The following PPP2R2C variants were observed in gnomAD, a reference collection of about 807,000 sequenced individuals.
PPP2R2C encodes protein phosphatase 2, regulatory subunit B, gamma.
In PPP2R2C, 10 loss-of-function variants were observed where a neutral mutation model predicts 45.3. The observed-to-expected ratio is 0.22, with a 90% CI of 0.14 to 0.37. The LOEUF is 0.37. Among genes scored for constraint, PPP2R2C ranks in the 10% least tolerant of loss-of-function variants. The pLI, the probability that PPP2R2C is intolerant of heterozygous loss-of-function variation, is 1.00. For missense variants in PPP2R2C, 308 were observed against 619.7 expected (o/e 0.50, Z 5.34); for synonymous variants, 257 against 245.4 (o/e 1.05, Z -0.44).
chr4:6,399,820 C>G (rs1717298462), intron 1 of PPP2R2C, among the ~76,000 whole-genome samples: 1 of 152,182 alleles, frequency 6.6e-6, no homozygotes. Flanking sequence ...GGGCAGCCGA[C>G]AGACAGTCAA....
chr4:6,563,292 C>A lies in PPP2R2C; in HGVS notation c.-59+268G>T. ...GGTTCTGTCGGGTTCCCTCAAGACC[C>A]CGAGAGCACGCGCTCCGGAGGGACC... On this transcript the variant is annotated intron_variant, in intron 1 of 9. Transcript: ENST00000506140. This position sits in a 1 kb window ranked among gnomAD's most constrained non-coding sequence, Gnocchi z 5.8. Among the ~76,000 whole-genome samples, 1 of 152,120 alleles carries A rather than the reference C, an allele frequency of 6.6e-6. No individual in the cohort carries two copies. Among genetic ancestry groups the A allele is most frequent in the East Asian group, 1.9e-4 (1 of 5,152 alleles).
chr4:6,359,440 C>G (rs4688996), intron 5 of PPP2R2C, among the ~76,000 whole-genome samples: 80,584 of 151,882 alleles, frequency 0.53, 24,331 homozygotes, highest in East Asian at 0.71. Context: ...CACATGTATA[C>G]CTATGTAACA....
At chr4:6,403,864 GA>G (rs11286848) in intron 1 of PPP2R2C, among the ~76,000 whole-genome samples, 82,015 of 135,840 alleles carry the variant, frequency 0.6, 24,018 homozygotes, top group East Asian at 0.86. Context: ...CTCCGCCTCA[GA>G]AAAAAAAAAA....
rs1383054753 is a variant in PPP2R2C, at chr4:6,414,070, C to CTGTGTGTG, written c.71-32977_71-32976insCACACACA. 26 of 1,202,494 alleles carry CTGTGTGTG rather than the reference C, an allele frequency of 2.2e-5. 3 individuals carry two copies. The highest frequency in any genetic ancestry group is 2.8e-4 in the Middle Eastern group (1 of 3,522). The allele number at this position is 1,202,494 out of a possible 1,614,324, so 74.5% of individuals were successfully genotyped here. ...CATGGGACAGTAACATAAGTTTTGC[C>CTGTGTGTG]TGTGTATGTGTGTGTGTGTGTGTGT... On this transcript the variant is annotated intron_variant, in intron 1 of 8. Coordinates refer to ENST00000382599, the MANE Select transcript of PPP2R2C (RefSeq NM_020416.4).
chr4:6,460,827 T>C (rs1721283358), intron 1 of PPP2R2C, among the ~76,000 whole-genome samples: 1 of 152,140 alleles, frequency 6.6e-6, no homozygotes, highest in African/African-American at 2.4e-5. Flanking sequence ...CAAAGGGAAA[T>C]GCCCCATCTC....
chr4:6,403,340 A>G (rs1243515569), intron 1 of PPP2R2C, among the ~76,000 whole-genome samples: 1 of 152,186 alleles, frequency 6.6e-6, no homozygotes, highest in Non-Finnish European at 1.5e-5. Flanking sequence ...GGCAACAAGA[A>G]TTACTCCCTG....
chr4:6,522,585 A>C (rs1724061703), intron 2 of PPP2R2C, among the ~76,000 whole-genome samples: 1 of 152,262 alleles, frequency 6.6e-6, no homozygotes, highest in Non-Finnish European at 1.5e-5. Flanking sequence ...GGCATGGTGG[A>C]TTCCCCCACA....
upstream of PPP2R2C, among the ~76,000 whole-genome samples, chr4:6,473,807 G>C (rs1233624246): frequency 6.6e-6 from 1 of 152,190 alleles, no homozygotes; most frequent in African/African-American, 2.4e-5. Context: ...AGATTTCTTG[G>C]AGATTGAGAG....
At chr4:6,465,980 C>T (rs1347489765) in intron 1 of PPP2R2C, among the ~76,000 whole-genome samples, 2 of 152,254 alleles carry the variant, frequency 1.3e-5, no homozygotes, top group African/African-American at 4.8e-5. Context: ...TCAGTGTCAG[C>T]GATTGGCAAA....
chr4:6,428,088 T>A (rs1343775146), intron 1 of PPP2R2C, among the ~76,000 whole-genome samples: 1 of 152,180 alleles, frequency 6.6e-6, no homozygotes, highest in African/African-American at 2.4e-5. Flanking sequence ...AGGAGGAGCA[T>A]CCCTAAGAGC....
At chr4:6,355,625 T>C (rs1713100752) in intron 5 of PPP2R2C, among the ~76,000 whole-genome samples, 1 of 150,968 alleles carries the variant, frequency 6.6e-6, no homozygotes, top group Non-Finnish European at 1.5e-5. Flanking sequence ...GGATCGTCAC[T>C]GACAAAGGCC....
intron 2 of PPP2R2C, among the ~76,000 whole-genome samples, chr4:6,505,704 G>A (rs1162337533): frequency 2.6e-5 from 4 of 152,170 alleles, no homozygotes; most frequent in East Asian, 1.9e-4. Flanking sequence ...GGTGGCTCAC[G>A]CCTGTCATCC....
chr4:6,448,021 C>A (rs1462823183), intron 1 of PPP2R2C, among the ~76,000 whole-genome samples: 2 of 152,150 alleles, frequency 1.3e-5, no homozygotes, highest in Non-Finnish European at 2.9e-5. Flanking sequence ...AGCAGAGGCT[C>A]CTGGTACACC....
chr4:6,332,645 C>T lies in PPP2R2C; in HGVS notation c.960+917G>A, dbSNP rs904824775. ...GGCTCTGAATCTGTCACCGCCCAGC[C>T]GAGAGACACCTCCCTCATCTCCCTA... On this transcript the variant is annotated intron_variant, in intron 7 of 8. Transcript: ENST00000382599. This position sits in a 1 kb window ranked among gnomAD's most constrained non-coding sequence, Gnocchi z 4.9. 1.3e-5 allele frequency among the ~76,000 whole-genome samples: 2 copies of T among 152,196 alleles called. No individual in the cohort carries two copies. Among genetic ancestry groups the T allele is most frequent in the African/African-American group, 2.4e-5 (1 of 41,448 alleles).
chr4:6,363,117 G>C (rs912816922), intron 5 of PPP2R2C, among the ~76,000 whole-genome samples: 1 of 152,186 alleles, frequency 6.6e-6, no homozygotes, highest in East Asian at 1.9e-4. Context: ...CAGCACCATG[G>C]ACAGAGCCAT....
chr4:6,493,850 A>C (rs1244515064), intron 2 of PPP2R2C, among the ~76,000 whole-genome samples: 1 of 152,150 alleles, frequency 6.6e-6, no homozygotes, highest in African/African-American at 2.4e-5. Flanking sequence ...CCGTAGCTTT[A>C]AAATCACACA....
intron 2 of PPP2R2C, among the ~76,000 whole-genome samples, chr4:6,490,039 CAT>C (rs1374423336): frequency 1.3e-5 from 2 of 152,200 alleles, no homozygotes; most frequent in African/African-American, 4.8e-5. Context: ...TCCGCCTGCA[CAT>C]TGCTCTCTAG....
Position 6,323,587 on chromosome 4 carries a change from G to C in PPP2R2C, c.1059C>G (p.Ile353Met). Residue 353 changes from isoleucine to methionine, a missense_variant, in exon 9 of 9, where the codon ATC becomes ATG. Transcript: ENST00000382599. The stretch of plus-strand genomic sequence containing the variant: ...AGAAGTTGTTGTAGGCCCCGGTCAT[G>C]ATGACGCTGGTGGGAGAAGGAGAGG... Reference protein sequence around the residue: ...ECAWNGSDSVIMTGAYNNFFR... With the variant: ...ECAWNGSDSVMMTGAYNNFFR... The C allele has an allele frequency of 6.4e-7, 1 of 1,553,522 alleles. No individual in the cohort carries two copies. Among genetic ancestry groups the C allele is most frequent in the South Asian group, 1.2e-5 (1 of 82,224 alleles).
chr4:6,367,098 GA>G (rs1714386016), intron 5 of PPP2R2C, among the ~76,000 whole-genome samples: 1 of 152,020 alleles, frequency 6.6e-6, no homozygotes, highest in African/African-American at 2.4e-5. Context: ...GAACCTTGGT[GA>G]CTACACCGAG....
Sources: allele counts gnomAD v4.1 joint callset (sites outside exome capture counted in the v4.1 genomes callset), GRCh38; gene constraint gnomAD v4.1.1; non-coding constraint Gnocchi (gnomAD v3.1); transcripts MANE v1.5; gene names NCBI Gene and HGNC (gene_info 2026-07-23, HGNC 2026-07-21).